Variants in DNM3 observed in about 807,000 individuals in gnomAD.
DNM3 encodes dynamin 3.
In DNM3, 47 loss-of-function variants were observed where a neutral mutation model predicts 101.6. That is an observed-to-expected ratio of 0.46 (90% CI 0.37 to 0.59). The LOEUF (loss-of-function observed/expected upper bound fraction) is 0.59. Among genes scored for constraint, DNM3 ranks in the 20% least tolerant of loss-of-function variants. DNM3 has a pLI of 0.00. For missense variants in DNM3, 849 were observed against 1,085.7 expected (o/e 0.78, Z 3.06); for synonymous variants, 385 against 387.9 (o/e 0.99, Z 0.09).
At chr1:172,116,386 A>G (rs1208345045) in intron 13 of DNM3, among the ~76,000 whole-genome samples, 1 of 151,928 alleles carries the variant, frequency 6.6e-6, no homozygotes, top group Admixed American at 6.6e-5. Context: ...TCATCCCCCT[A>G]TTTCCTTGCA....
At chr1:172,146,856 A>C (rs1250352923) in intron 14 of DNM3, among the ~76,000 whole-genome samples, 1 of 152,144 alleles carries the variant, frequency 6.6e-6, no homozygotes, top group African/African-American at 2.4e-5. Context: ...GGTTTTGATC[A>C]GACTGCACCA....
chr1:171,873,102 TAAGAAGTC>T (rs1459788991), intron 1 of DNM3, among the ~76,000 whole-genome samples: 2 of 152,198 alleles, frequency 1.3e-5, no homozygotes, highest in Non-Finnish European at 2.9e-5. Flanking sequence ...GTCTATTCTT[TAAGAAGTC>T]AAGTTGAATC....
chr1:172,315,251 C>T (rs1335402925), intron 16 of DNM3, among the ~76,000 whole-genome samples: 4 of 152,164 alleles, frequency 2.6e-5, no homozygotes, highest in Non-Finnish European at 5.9e-5. Context: ...ACATCACCAT[C>T]ATCAAAGACC....
At chr1:172,229,445 A>G (rs540627788) in intron 14 of DNM3, among the ~76,000 whole-genome samples, 3 of 152,324 alleles carry the variant, frequency 2.0e-5, no homozygotes, top group Admixed American at 6.5e-5. Context: ...ATTAAGTAGC[A>G]TTTATTTGTA....
At chr1:172,088,464 A>G (rs2053683720) in intron 12 of DNM3, among the ~76,000 whole-genome samples, 1 of 152,120 alleles carries the variant, frequency 6.6e-6, no homozygotes, top group Non-Finnish European at 1.5e-5. Flanking sequence ...CTGGCACAGA[A>G]ACATGGAATG....
chr1:172,279,852 T>C (rs1207183589), intron 15 of DNM3, among the ~76,000 whole-genome samples: 1 of 152,198 alleles, frequency 6.6e-6, no homozygotes, highest in Admixed American at 6.6e-5. Flanking sequence ...GTTGTCATCC[T>C]GCAGTTAGTG....
chr1:171,996,967 GGCT>G (rs1295053470), intron 4 of DNM3, among the ~76,000 whole-genome samples: 1 of 152,076 alleles, frequency 6.6e-6, no homozygotes, highest in Non-Finnish European at 1.5e-5. Context: ...AGGAGGTTGA[GGCT>G]GTGGTGAGCT....
At chr1:172,350,472 T>G (rs2067153189) in intron 17 of DNM3, among the ~76,000 whole-genome samples, 2 of 152,136 alleles carry the variant, frequency 1.3e-5, no homozygotes, top group Non-Finnish European at 2.9e-5. Flanking sequence ...ATATTCAGCC[T>G]TTTCAAAGAT....
intron 14 of DNM3, among the ~76,000 whole-genome samples, chr1:172,220,213 C>T (rs1023287765): frequency 9.2e-5 from 14 of 152,156 alleles, no homozygotes; most frequent in African/African-American, 3.4e-4. Context: ...TGTGGTATCT[C>T]TTCAAACACT....
intron 15 of DNM3, among the ~76,000 whole-genome samples, chr1:172,282,596 T>C (rs1430613930): frequency 6.6e-6 from 1 of 152,190 alleles, no homozygotes; most frequent in Non-Finnish European, 1.5e-5. Flanking sequence ...GAAGCTTACT[T>C]AACTAGCTGG....
At chr1:172,061,926 G>T (rs2051259748) in intron 10 of DNM3, among the ~76,000 whole-genome samples, 1 of 152,090 alleles carries the variant, frequency 6.6e-6, no homozygotes, top group African/African-American at 2.4e-5. Context: ...GTCAAACTCT[G>T]TGCTGTGCTT....
chr1:172,387,514 C>T (rs1236965792), intron 19 of DNM3, among the ~76,000 whole-genome samples, 155 bp downstream of exon 19: 2 of 151,986 alleles, frequency 1.3e-5, no homozygotes, highest in Non-Finnish European at 2.9e-5. Flanking sequence ...AAAAAATTAG[C>T]CGGGCGTGGT....
intron 12 of DNM3, among the ~76,000 whole-genome samples, chr1:172,091,510 G>A (rs542648372): frequency 5.9e-5 from 9 of 152,288 alleles, no homozygotes; most frequent in African/African-American, 1.7e-4. Context: ...AGATGAAAGC[G>A]GGAAGTACAT....
chr1:172,216,659 C>A (rs1435566321), intron 14 of DNM3, among the ~76,000 whole-genome samples: 1 of 151,982 alleles, frequency 6.6e-6, no homozygotes, highest in Non-Finnish European at 1.5e-5. Context: ...ACTCCTTGGG[C>A]AAATGTAACG....
chr1:172,403,677 C>T (rs2070676627), intron 20 of DNM3, among the ~76,000 whole-genome samples: 1 of 152,028 alleles, frequency 6.6e-6, no homozygotes, highest in African/African-American at 2.4e-5. Context: ...TTACTTCTTC[C>T]CCTTTGATTT....
chr1:172,071,086 C>CATGTAT (rs1553362024), intron 11 of DNM3, among the ~76,000 whole-genome samples: 2 of 65,084 alleles, frequency 3.1e-5, no homozygotes, highest in Admixed American at 1.7e-4. Context: ...CAAGACCCTG[C>CATGTAT]ATATATATAT....
intron 14 of DNM3, among the ~76,000 whole-genome samples, chr1:172,197,844 G>T (rs376779410): frequency 2.0e-5 from 3 of 151,938 alleles, no homozygotes; most frequent in East Asian, 3.9e-4. Context: ...ATAGAATAAT[G>T]TTGTCTGCCA....
chr1:171,893,323 G>GT (rs2037463169), intron 1 of DNM3, among the ~76,000 whole-genome samples: 1 of 151,860 alleles, frequency 6.6e-6, no homozygotes, highest in African/African-American at 2.4e-5. Context: ...TACTAAGATA[G>GT]TTTGAGCTAT....
intron 14 of DNM3, among the ~76,000 whole-genome samples, chr1:172,250,983 A>G (rs993604487): frequency 3.9e-5 from 6 of 152,120 alleles, no homozygotes; most frequent in Admixed American, 6.6e-5. Context: ...TCAAAATGTT[A>G]TTTCAACATA....
Sources: gnomAD v4.1 joint callset for allele counts (sites outside exome capture counted in the v4.1 genomes callset) on GRCh38, gnomAD v4.1.1 for gene constraint, MANE v1.5 for transcripts, NCBI Gene and HGNC (gene_info 2026-07-23, HGNC 2026-07-21) for gene names.